The following RNF150 variants were observed in gnomAD, a reference collection of about 807,000 sequenced individuals.
The protein encoded by RNF150 is ring finger protein 150.
RNF150 carries 24 observed loss-of-function variants against 39.3 expected under a neutral mutation model. The ratio of observed to expected loss-of-function variants is 0.61; its 90% CI spans 0.44 to 0.86. RNF150 has a LOEUF of 0.86. Ranked by LOEUF, RNF150 falls within the 40% of genes least tolerant of loss-of-function variation. The pLI is 0.00. For synonymous variants in RNF150, 255 were observed against 227.3 expected (o/e 1.12, Z -1.10); for missense variants, 502 against 587.8 (o/e 0.85, Z 1.51).
intron 1 of RNF150, among the ~76,000 whole-genome samples, chr4:140,984,112 G>A (rs75023211): frequency 0.05 from 7,574 of 152,116 alleles, 279 homozygotes; most frequent in African/African-American, 0.099. Context: ...TGTTATGTCC[G>A]TGTTCAAAAA....
intron 1 of RNF150, among the ~76,000 whole-genome samples, chr4:141,146,251 G>A (rs1253159747): frequency 6.6e-6 from 1 of 152,166 alleles, no homozygotes; most frequent in Non-Finnish European, 1.5e-5. Flanking sequence ...TAGAGCCTTT[G>A]ACCCTGTTTT....
chr4:140,872,615 A>T (rs1351961123), intron 6 of RNF150, among the ~76,000 whole-genome samples: 1 of 152,236 alleles, frequency 6.6e-6, no homozygotes, highest in East Asian at 1.9e-4. Flanking sequence ...ATAAGGGGAC[A>T]AATCAAAGAA....
rs75191375 is a variant in RNF150, at chr4:141,162,402, C to T, written c.-6+50392G>A. Among the ~76,000 whole-genome samples, 786 of 152,120 alleles carry T rather than the reference C, an allele frequency of 5.2e-3. 12 individuals are homozygous for T. The highest frequency in any genetic ancestry group is 0.05 in the East Asian group (256 of 5,160). ...CATTGCATCTTGGAAGTAACTATGT[C>T]GTTTTTGATTTTGCAGGTTCATAGG... On this transcript the variant is annotated intron_variant, in intron 1 of 7. Coordinates refer to the RNF150 transcript ENST00000420921.
At chr4:140,986,531 C>T (rs1172396944) in intron 1 of RNF150, among the ~76,000 whole-genome samples, 3 of 152,186 alleles carry the variant, frequency 2.0e-5, no homozygotes, top group Middle Eastern at 3.4e-3. Flanking sequence ...CTTGATAGCT[C>T]CCTGCATATC....
intron 1 of RNF150, among the ~76,000 whole-genome samples, chr4:141,027,095 T>C (rs1735730704): frequency 6.6e-6 from 1 of 152,156 alleles, no homozygotes; most frequent in South Asian, 2.1e-4. Flanking sequence ...CCAACTCAGC[T>C]CTTGTCGGCT....
At chr4:141,147,232 G>A (rs534030336) in intron 1 of RNF150, among the ~76,000 whole-genome samples, 3 of 152,238 alleles carry the variant, frequency 2.0e-5, no homozygotes, top group Non-Finnish European at 4.4e-5. Context: ...AAAATTTCAG[G>A]GACTGAACAA....
In RNF150 at chr4:141,057,856, G is replaced by C. The variant is rs150370824; in HGVS notation, c.484+74469C>G. On this transcript the variant is annotated intron_variant, in intron 1 of 6. Transcript: ENST00000515673. ...CCATGTGCAGAAGCCCTTGTGCTCT[G>C]AAAGTGGTGGACATAAAGACTAAAC... Among the ~76,000 whole-genome samples, 477 of 152,246 alleles carry C rather than the reference G, an allele frequency of 3.1e-3. 3 individuals carry two copies. The highest frequency in any genetic ancestry group is 0.011 in the African/African-American group (445 of 41,546).
intron 1 of RNF150, among the ~76,000 whole-genome samples, chr4:141,142,832 T>C (rs1263922151): frequency 6.6e-6 from 1 of 152,034 alleles, no homozygotes; most frequent in Non-Finnish European, 1.5e-5. Context: ...TTTTATATTA[T>C]GTAGGTGATC....
At chr4:140,913,398 C>T (rs1378912860) in intron 5 of RNF150, among the ~76,000 whole-genome samples, 1 of 152,216 alleles carries the variant, frequency 6.6e-6, no homozygotes, top group Non-Finnish European at 1.5e-5. Flanking sequence ...GCCTCACCTT[C>T]AGCCTTTGAA....
At chr4:140,949,200 T>C (rs898082593) in intron 3 of RNF150, 101 bp downstream of exon 3, 9 of 803,408 alleles carry the variant, frequency 1.1e-5, no homozygotes, top group Non-Finnish European at 1.6e-5. Flanking sequence ...TTAGCATATA[T>C]TTCCCTTTCC....
At chr4:140,948,611 A>C (rs973471797) in intron 3 of RNF150, among the ~76,000 whole-genome samples, 3 of 152,150 alleles carry the variant, frequency 2.0e-5, no homozygotes, top group Non-Finnish European at 2.9e-5. Context: ...GATTTTAAAA[A>C]AAAATTTTAT....
chr4:141,010,201 A>G (rs1735025183), intron 1 of RNF150, among the ~76,000 whole-genome samples: 1 of 152,200 alleles, frequency 6.6e-6, no homozygotes, highest in Admixed American at 6.5e-5. Flanking sequence ...TTTATTATGA[A>G]AATTTGAAGT....
intron 1 of RNF150, among the ~76,000 whole-genome samples, chr4:140,978,203 T>C (rs576414221): frequency 6.6e-6 from 1 of 152,276 alleles, no homozygotes; most frequent in South Asian, 2.1e-4. Flanking sequence ...GAATGAACAC[T>C]GGTTAATCTG....
intron 6 of RNF150, among the ~76,000 whole-genome samples, chr4:140,894,523 C>CT (rs1560951989): frequency 6.6e-6 from 1 of 152,272 alleles, no homozygotes; most frequent in East Asian, 1.9e-4. Context: ...CCATCCCCCA[C>CT]TTTTTAAACT....
intron 1 of RNF150, among the ~76,000 whole-genome samples, chr4:141,192,608 G>A (rs1360084447): frequency 1.3e-5 from 2 of 152,198 alleles, no homozygotes; most frequent in East Asian, 3.9e-4. Context: ...GTTGGCCAAA[G>A]CATAGGGGGA....
At chr4:141,155,389 C>A (rs1165764087) in intron 1 of RNF150, among the ~76,000 whole-genome samples, 2 of 151,868 alleles carry the variant, frequency 1.3e-5, no homozygotes, top group Admixed American at 6.6e-5. Flanking sequence ...TGAGCCACTA[C>A]GACCGGCCGA....
intron 1 of RNF150, among the ~76,000 whole-genome samples, chr4:141,164,530 A>G (rs901917075): frequency 6.6e-6 from 1 of 152,210 alleles, no homozygotes; most frequent in African/African-American, 2.4e-5. Flanking sequence ...AAATGAAGGA[A>G]AAAATGTTAT....
intron 1 of RNF150, among the ~76,000 whole-genome samples, chr4:141,149,100 T>A (rs554095843): frequency 6.6e-6 from 1 of 152,264 alleles, no homozygotes; most frequent in East Asian, 1.9e-4. Flanking sequence ...TCTGAAACTA[T>A]CCCTGAACAT....
At chr4:140,925,935 G>A (rs1452669375) in intron 5 of RNF150, 42 bp downstream of exon 5, 1 of 1,405,560 alleles carries the variant, frequency 7.1e-7, no homozygotes, top group South Asian at 1.2e-5. Flanking sequence ...GGGCAACGCA[G>A]AAAGACAGAC....
Sources: gnomAD v4.1 joint callset for allele counts (sites outside exome capture counted in the v4.1 genomes callset) on GRCh38, gnomAD v4.1.1 for gene constraint, MANE v1.5 for transcripts, NCBI Gene and HGNC (gene_info 2026-07-23, HGNC 2026-07-21) for gene names.